MED13L: variants seen among roughly 807,000 people sequenced by gnomAD.
MED13L encodes mediator complex subunit 13L.
A neutral mutation model predicts 220.9 loss-of-function variants in MED13L; 7 were observed. The observed-to-expected ratio is 0.03, with a 90% CI of 0.02 to 0.06. The LOEUF (loss-of-function observed/expected upper bound fraction) is 0.06. Ranked by LOEUF, MED13L falls within the 10% of genes least tolerant of loss-of-function variation. MED13L has a pLI of 1.00. For synonymous variants in MED13L, 1,011 were observed against 1,015.2 expected (o/e 1.00, Z 0.08); for missense variants, 1,965 against 2,760.5 (o/e 0.71, Z 6.46).
At chr12:116,051,430 A>C (rs1019196038) in intron 4 of MED13L, among the ~76,000 whole-genome samples, 8 of 152,246 alleles carry the variant, frequency 5.3e-5, no homozygotes, top group Non-Finnish European at 1.0e-4. Context: ...ATCATAATTT[A>C]AAAATTCTAA....
At chr12:116,074,414 C>CA (rs1870621887) in intron 4 of MED13L, among the ~76,000 whole-genome samples, 1 of 152,116 alleles carries the variant, frequency 6.6e-6, no homozygotes, top group Non-Finnish European at 1.5e-5. Context: ...ACAAAAAACT[C>CA]AAAGTTTTCT....
At chr12:116,145,836 C>A (rs1197139895) in intron 2 of MED13L, among the ~76,000 whole-genome samples, 2 of 151,934 alleles carry the variant, frequency 1.3e-5, no homozygotes, top group Non-Finnish European at 2.9e-5. Context: ...TGGCCTCAAG[C>A]ACATTTTTAG....
chr12:116,146,030 G>A (rs968993850), intron 2 of MED13L, among the ~76,000 whole-genome samples: 7 of 152,158 alleles, frequency 4.6e-5, no homozygotes, highest in South Asian at 4.1e-4. Context: ...CCCACAGCCC[G>A]CGGGCCGCAT....
chr12:116,272,547 G>C (rs1203928364), intron 1 of MED13L, among the ~76,000 whole-genome samples: 5 of 151,148 alleles, frequency 3.3e-5, no homozygotes, highest in Non-Finnish European at 7.4e-5. Flanking sequence ...GTGGGACTCT[G>C]GTCTCAAAAA....
intron 4 of MED13L, among the ~76,000 whole-genome samples, chr12:116,026,378 C>T (rs144506395): frequency 6.6e-6 from 1 of 152,136 alleles, no homozygotes; most frequent in East Asian, 1.9e-4. Context: ...ACAAAATGTC[C>T]TTTTAAAAGA....
At chr12:115,962,531 G>A (rs999776043) in intron 30 of MED13L, 3 of 152,070 alleles carry the variant, frequency 2.0e-5, no homozygotes, top group African/African-American at 7.2e-5. Flanking sequence ...ATGTTGATCA[G>A]GTTCTTTATT....
intron 23 of MED13L, 113 bp downstream of exon 23, chr12:115,980,637 A>T: frequency 8.8e-7 from 1 of 1,131,622 alleles, no homozygotes; most frequent in Non-Finnish European, 1.3e-6. Context: ...CAACTCTTAT[A>T]TCAATGTAGA....
At chr12:116,034,382 G>A (rs1476343844) in intron 4 of MED13L, among the ~76,000 whole-genome samples, 1 of 152,110 alleles carries the variant, frequency 6.6e-6, no homozygotes, top group Non-Finnish European at 1.5e-5. Context: ...AGAATTCTGA[G>A]TCATGAGGTG....
intron 4 of MED13L, among the ~76,000 whole-genome samples, chr12:116,073,425 A>G (rs1326734802): frequency 6.6e-6 from 1 of 152,190 alleles, no homozygotes; most frequent in East Asian, 1.9e-4. Flanking sequence ...ACTCAATGTT[A>G]TATTACTGGT....
At chr12:116,261,902 T>A (rs1050105383) in intron 1 of MED13L, among the ~76,000 whole-genome samples, 1 of 152,206 alleles carries the variant, frequency 6.6e-6, no homozygotes, top group Non-Finnish European at 1.5e-5. Context: ...CCTAGACTGT[T>A]CTAAGAGCTT....
chr12:115,966,049 C>T, intron 29 of MED13L, 33 bp downstream of exon 29: 1 of 1,610,414 alleles, frequency 6.2e-7, no homozygotes, highest in Non-Finnish European at 8.5e-7. Flanking sequence ...ATCACTCATT[C>T]CTTGCAAACT....
rs139244321 is a variant in MED13L, at chr12:115,967,108, T to C, written c.6226-865A>G. Among the ~76,000 whole-genome samples, 1,178 of 141,196 alleles carry C rather than the reference T, an allele frequency of 8.3e-3. 24 individuals are homozygous for C. Among genetic ancestry groups the C allele is most frequent in the African/African-American group, 0.029 (1,091 of 37,198 alleles). The allele number at this position is 141,196 out of a possible 152,430, so 92.6% of individuals were successfully genotyped here. On this transcript the variant is annotated intron_variant, in intron 28 of 30. Transcript: ENST00000281928. Reference sequence around the variant, plus strand: ...ATCCCTTGAACCCAGGAGGCAAAGGTTGCAGTGAGCCAAGATCATGCCACT... The same window carrying C: ...ATCCCTTGAACCCAGGAGGCAAAGGCTGCAGTGAGCCAAGATCATGCCACT...
intron 2 of MED13L, among the ~76,000 whole-genome samples, chr12:116,136,139 G>A (rs1271293210): frequency 3.3e-5 from 5 of 152,102 alleles, no homozygotes; most frequent in Non-Finnish European, 7.4e-5. Flanking sequence ...CTGACCTCAT[G>A]ATCCACCTGC....
intron 14 of MED13L, among the ~76,000 whole-genome samples, chr12:115,998,280 T>C (rs1311212172): frequency 2.0e-5 from 3 of 152,236 alleles, no homozygotes; most frequent in African/African-American, 7.2e-5. Flanking sequence ...TTTTTTAAGT[T>C]TGGAGCCACA....
rs1350683414 is a variant in MED13L at position 115,987,308 on chromosome 12, A to C, written c.3935-20T>G. 2 of 1,608,694 alleles carry C rather than the reference A, an allele frequency of 1.2e-6. No homozygotes were observed. On this transcript the variant is annotated intron_variant, in intron 17 of 30. Coordinates refer to ENST00000281928, the MANE Select transcript of MED13L (RefSeq NM_015335.5). ...CCAGCACTGGAAGAGAAGTGAGAAG[A>C]AACAGAGAAGATAAGGGGGCTAGCA... is the stretch of plus-strand genomic sequence containing the variant.
intron 24 of MED13L, 91 bp downstream of exon 24, chr12:115,975,424 C>T: frequency 5.0e-6 from 8 of 1,591,716 alleles, no homozygotes; most frequent in Non-Finnish European, 6.9e-6. Flanking sequence ...ATGCTGTACC[C>T]ACTTCATTTA....
intron 2 of MED13L, among the ~76,000 whole-genome samples, chr12:116,141,714 G>A (rs148355872): frequency 5.9e-4 from 90 of 152,060 alleles, no homozygotes; most frequent in African/African-American, 2.0e-3. Context: ...AGCCTCCCGT[G>A]GGACCTCTGC....
intron 4 of MED13L, among the ~76,000 whole-genome samples, chr12:116,023,436 A>C (rs961032099): frequency 9.2e-5 from 14 of 152,312 alleles, no homozygotes; most frequent in African/African-American, 3.4e-4. Context: ...GATGAAACAA[A>C]ATCACTTTTA....
intron 4 of MED13L, among the ~76,000 whole-genome samples, chr12:116,088,057 T>C (rs1196701279): frequency 6.6e-6 from 1 of 152,060 alleles, no homozygotes; most frequent in Non-Finnish European, 1.5e-5. Flanking sequence ...AGTTACCAAA[T>C]GCAGGAAGAT....
Sources: allele counts gnomAD v4.1 joint callset (sites outside exome capture counted in the v4.1 genomes callset), GRCh38; gene constraint gnomAD v4.1.1; transcripts MANE v1.5; gene names NCBI Gene and HGNC (gene_info 2026-07-23, HGNC 2026-07-21).